MGRN1: variants seen among roughly 807,000 people sequenced by gnomAD.
The protein encoded by MGRN1 is E3 ubiquitin-protein ligase MGRN1.
A neutral mutation model predicts 69.2 loss-of-function variants in MGRN1; 29 were observed. That is an observed-to-expected ratio of 0.42 (90% CI 0.31 to 0.57). The LOEUF (loss-of-function observed/expected upper bound fraction) is 0.57, where lower values mean the gene tolerates loss of function less well. Among genes scored for constraint, MGRN1 ranks in the 20% least tolerant of loss-of-function variants. MGRN1 has a pLI of 0.15. For synonymous variants in MGRN1, 470 were observed against 344.2 expected (o/e 1.37, Z -4.04); for missense variants, 998 against 796.2 (o/e 1.25, Z -3.05).
At chr16:4,680,533 C>A (rs2079157532) in intron 12 of MGRN1, 2 of 175,334 alleles carry the variant, frequency 1.1e-5, no homozygotes, top group Non-Finnish European at 2.5e-5. Context: ...TCCCTTGTGC[C>A]CCAGGGAGCA....
chr16:4,679,316 C>A (rs968583428), intron 11 of MGRN1, among the ~76,000 whole-genome samples: 1 of 152,158 alleles, frequency 6.6e-6, no homozygotes, highest in Non-Finnish European at 1.5e-5. Context: ...CATGTTTGTC[C>A]CTCTTATGCT....
chr16:4,650,095 G>GC (rs1445852923), intron 1 of MGRN1: 1 of 273,218 alleles, frequency 3.7e-6, no homozygotes, highest in African/African-American at 2.3e-5. Context: ...CTGAGGCCGG[G>GC]CATTGGAGAC....
chr16:4,628,861 G>C (rs923021441), intron 1 of MGRN1, among the ~76,000 whole-genome samples: 4 of 150,224 alleles, frequency 2.7e-5, no homozygotes, highest in African/African-American at 9.8e-5. Context: ...GTTTTTTTTT[G>C]AGACAGTCTC....
chr16:4,664,751 C>A lies in MGRN1; in HGVS notation c.604C>A (p.Gln202Lys). 6.2e-7 allele frequency: 1 copy of A among 1,614,214 alleles called. No homozygotes were observed. The change falls in exon 6 of 17, where the codon CAG (glutamine) becomes AAG (lysine). Residue 202 changes from glutamine (Q) to lysine (K), a missense_variant. Transcript: ENST00000262370. ...LDRGVFPVVIQAVVDEGDVVE... is the reference protein window; with the variant it reads ...LDRGVFPVVIKAVVDEGDVVE... ...CCGGGGCGTGTTTCCAGTAGTCATC[C>A]AGGCTGTGGTGGACGAAGGAGATGG... is the stretch of plus-strand genomic sequence containing the variant.
chr16:4,673,682 G>A (rs372643130), intron 10 of MGRN1, 25 bp downstream of exon 10: 2 of 1,609,828 alleles, frequency 1.2e-6, no homozygotes, highest in Non-Finnish European at 1.7e-6. Context: ...CGGCTGTTCT[G>A]TGGAAGGTTC....
At chr16:4,641,824 T>G (rs2078166243) in intron 1 of MGRN1, among the ~76,000 whole-genome samples, 1 of 152,128 alleles carries the variant, frequency 6.6e-6, no homozygotes, top group Non-Finnish European at 1.5e-5. Flanking sequence ...TGGCCACTTT[T>G]TGTATTTTTT....
At chr16:4,664,863 G>A (rs896236372) in intron 6 of MGRN1, 88 bp downstream of exon 6, 2 of 1,542,190 alleles carry the variant, frequency 1.3e-6, no homozygotes, top group South Asian at 1.1e-5. Context: ...CAGCAGTGAT[G>A]AAGCAGGCCA....
intron 12 of MGRN1, among the ~76,000 whole-genome samples, chr16:4,681,119 A>G (rs1258072589): frequency 6.6e-6 from 1 of 152,226 alleles, no homozygotes; most frequent in African/African-American, 2.4e-5. Context: ...GGCAGGGCAC[A>G]GCTCCCAACA....
Position 4,689,175 on chromosome 16 carries a change from C to T in MGRN1, c.*267C>T. 2.2e-6 allele frequency: 1 copy of T among 445,026 alleles called. No individual in the cohort carries two copies. Among genetic ancestry groups the T allele is most frequent in the Non-Finnish European group, 3.8e-6 (1 of 261,076 alleles). The allele number at this position is 445,026 out of a possible 1,614,324, so 27.6% of individuals were successfully genotyped here. A position where few individuals can be genotyped will look rare whatever the true frequency, so the allele number is the denominator to read the frequency against. ...TTCAGAGCCCCCGTTCCCCAGGGTC[C>T]TGTGGGCTGAGCGGCTGGGGCTGGG... On this transcript the variant is annotated 3_prime_UTR_variant, in exon 17 of 17. Coordinates refer to ENST00000262370, the MANE Select transcript of MGRN1 (RefSeq NM_015246.4).
At chr16:4,688,071 G>A (rs1231547726) in intron 16 of MGRN1, 18 of 985,394 alleles carry the variant, frequency 1.8e-5, no homozygotes, top group African/African-American at 3.5e-5. Context: ...ACCTGCTCTC[G>A]CCGCGGCCCC....
chr16:4,633,517 C>T (rs1481092807), intron 1 of MGRN1: 1 of 151,318 alleles, frequency 6.6e-6, no homozygotes, highest in Admixed American at 6.6e-5. Context: ...GATGGAGAAG[C>T]CCCATCTCTA....
At chr16:4,645,732 A>C (rs934739586) in intron 1 of MGRN1, among the ~76,000 whole-genome samples, 2 of 152,054 alleles carry the variant, frequency 1.3e-5, no homozygotes, top group African/African-American at 4.8e-5. Flanking sequence ...CCGAGGTGTG[A>C]GTGGGCCGGG....
rs1440225112 is a variant in MGRN1, at chr16:4,680,037, C to T, written c.1071C>T (p.Pro357=). 2.5e-6 allele frequency: 4 copies of T among 1,613,864 alleles called. No homozygotes were observed. The highest frequency in any genetic ancestry group is 3.4e-6 in the Non-Finnish European group (4 of 1,179,928). ...TATGATTTTTATCTTGACAGTGTCC[C>T]TTTAAAAAATCAAAGCCGCACCCCG... ...QSLEHDEHSC[P]FKKSKPHPAS... is the part of the protein sequence containing the mutation. Residue 357 remains proline, a synonymous_variant, in exon 12 of 17, where the codon CCC becomes CCT. Coordinates refer to ENST00000262370, the MANE Select transcript of MGRN1 (RefSeq NM_015246.4).
intron 10 of MGRN1, chr16:4,677,192 T>G (rs890405781): frequency 2.9e-6 from 1 of 347,316 alleles, no homozygotes; most frequent in East Asian, 4.5e-5. Flanking sequence ...AATACTGTGT[T>G]TGCGGGAGTT....
chr16:4,680,047 T>C lies in MGRN1; in HGVS notation c.1081T>C (p.Ser361Pro). 6.2e-7 allele frequency: 1 copy of C among 1,613,944 alleles called. No homozygotes were observed. The highest frequency in any genetic ancestry group is 8.5e-7 in the Non-Finnish European group (1 of 1,179,924). Residue 361 changes from serine (S) to proline (P), a missense_variant, in exon 12 of 17, where the codon TCA becomes CCA. By Grantham distance (74) the Ser-to-Pro change is moderately conservative. Coordinates refer to ENST00000262370, the MANE Select transcript of MGRN1 (RefSeq NM_015246.4). Reference sequence around the variant, plus strand: ...ATCTTGACAGTGTCCCTTTAAAAAATCAAAGCCGCACCCCGCCTCCCTGGC... The same window carrying C: ...ATCTTGACAGTGTCCCTTTAAAAAACCAAAGCCGCACCCCGCCTCCCTGGC... ...HDEHSCPFKKSKPHPASLASK... is the reference protein window; with the variant it reads ...HDEHSCPFKKPKPHPASLASK...
intron 1 of MGRN1, among the ~76,000 whole-genome samples, chr16:4,646,371 A>G (rs771109864): frequency 6.6e-6 from 1 of 151,906 alleles, no homozygotes; most frequent in Non-Finnish European, 1.5e-5. Context: ...CCAAGGCTGC[A>G]GTGATCGTGC....
At chr16:4,686,868 C>T (rs559055690) in intron 16 of MGRN1, 4 of 985,630 alleles carry the variant, frequency 4.1e-6, no homozygotes, top group South Asian at 4.7e-5. Context: ...GAATGCGCCC[C>T]GATTGGGAGA....
At chr16:4,668,675 CATAG>C (rs1249949105) in intron 8 of MGRN1, among the ~76,000 whole-genome samples, 1 of 151,738 alleles carries the variant, frequency 6.6e-6, no homozygotes, top group Non-Finnish European at 1.5e-5. Context: ...CACACATATA[CATAG>C]ACACACTCGT....
chr16:4,677,647 G>T (rs959409612), intron 11 of MGRN1, 75 bp downstream of exon 11: 5 of 1,380,746 alleles, frequency 3.6e-6, no homozygotes, highest in Non-Finnish European at 5.0e-6. Context: ...AGGCCCAGAC[G>T]GTCCAGCCAG....
Sources: allele counts gnomAD v4.1 joint callset (sites outside exome capture counted in the v4.1 genomes callset), GRCh38; gene constraint gnomAD v4.1.1; transcripts MANE v1.5; gene names NCBI Gene and HGNC (gene_info 2026-07-23, HGNC 2026-07-21).